Variants in XPO6 observed in about 807,000 individuals in gnomAD.
XPO6 encodes exportin-6.
Under a neutral mutation model 130.0 loss-of-function variants are expected in XPO6, and 3 were observed. The ratio of observed to expected loss-of-function variants is 0.02; its 90% CI spans 0.01 to 0.06. The LOEUF is 0.06. XPO6 is among the 10% of genes least tolerant of loss of function. The pLI is 1.00. For missense variants in XPO6, 970 were observed against 1,393.0 expected (o/e 0.70, Z 4.83); for synonymous variants, 524 against 548.9 (o/e 0.95, Z 0.63).
intron 6 of XPO6, among the ~76,000 whole-genome samples, chr16:28,165,902 G>A (rs1182245204): frequency 6.6e-6 from 1 of 152,180 alleles, no homozygotes; most frequent in Non-Finnish European, 1.5e-5. Flanking sequence ...GTCATCTTTA[G>A]AAGAACTACA....
chr16:28,169,886 G>T lies in XPO6; in HGVS notation c.429C>A (p.Thr143=). ...TCTTCAACATGATCAGCCCAAGGGG[G>T]GTTGTCACAGGGGACTGGATCAACT... ...ILQLIQSPVT[T]PLGLIMLKTT... The change falls in exon 5 of 24, where the codon ACC becomes ACA. Residue 143 remains threonine (T), a synonymous_variant. Transcript: ENST00000304658. The T allele has an allele frequency of 6.2e-7, 1 of 1,614,094 alleles. No homozygotes were observed. Among genetic ancestry groups the T allele is most frequent in the East Asian group, 2.2e-5 (1 of 44,872 alleles).
intron 23 of XPO6, among the ~76,000 whole-genome samples, chr16:28,100,178 A>G (rs899930233): frequency 6.6e-6 from 1 of 152,126 alleles, no homozygotes; most frequent in Non-Finnish European, 1.5e-5. Flanking sequence ...TAGTAGAGAC[A>G]GGGTTTCGCC....
At chr16:28,146,309 C>T (rs566968692) in intron 8 of XPO6, 106 bp from the exon 9 acceptor site, 1 of 909,146 alleles carries the variant, frequency 1.1e-6, no homozygotes, top group Admixed American at 2.4e-5. Context: ...AAATCATAAG[C>T]CTAGATTCCC....
Position 28,132,129 on chromosome 16 carries a change from ACT to A in XPO6, c.1606+203_1606+204del, listed in dbSNP as rs2042682932. The stretch of plus-strand genomic sequence containing the variant: ...TTTTCCAAACACCTCCTTGGAATAC[ACT>A]GTCATGACCTCATCTTTTACCTCCC... On this transcript the variant is annotated intron_variant, in intron 12 of 23. Transcript: ENST00000304658. This position sits in a 1 kb window ranked among gnomAD's most constrained non-coding sequence, Gnocchi z 4.0. Among the ~76,000 whole-genome samples, 1 of 152,212 alleles carries A rather than the reference ACT, an allele frequency of 6.6e-6. No homozygotes were observed. Among genetic ancestry groups the A allele is most frequent in the Non-Finnish European group, 1.5e-5 (1 of 68,028 alleles).
chr16:28,133,226 A>T (rs1239046914), intron 11 of XPO6, among the ~76,000 whole-genome samples: 1 of 152,022 alleles, frequency 6.6e-6, no homozygotes, highest in Non-Finnish European at 1.5e-5. Flanking sequence ...AGTCCCACTT[A>T]CTCGGGAGGC....
rs748348432 is a variant in XPO6 at position 28,156,129 on chromosome 16, T to C, written c.1042A>G (p.Thr348Ala). ...QQTFYLLQKI[T>A]KDNNAHTVKS... ...ACTGTGTGGGCATTGTTATCCTTGG[T>C]GATTTTCTGCAGGAGGTAGAAAGTC... Residue 348 changes from threonine (T) to alanine (A), a missense_variant, in exon 7 of 24, where the codon ACC becomes GCC. Physicochemically the swap from Thr to Ala is moderately conservative, Grantham distance 58 (BLOSUM62 0). Around this residue, in one of 4 missense-constraint regions of XPO6, gnomAD observed 936 missense variants for 1,306.8 expected, o/e 0.72. Transcript: ENST00000304658. The C allele has an allele frequency of 6.2e-7, 1 of 1,613,868 alleles. No individual in the cohort carries two copies. Among genetic ancestry groups the C allele is most frequent in the South Asian group, 1.1e-5 (1 of 91,062 alleles).
chr16:28,191,876 G>A (rs1291068244), intron 1 of XPO6, among the ~76,000 whole-genome samples: 1 of 152,200 alleles, frequency 6.6e-6, no homozygotes, highest in Non-Finnish European at 1.5e-5. Flanking sequence ...CATTTCAGCT[G>A]CTATTACCAC....
At chr16:28,152,616 TA>T in intron 8 of XPO6, 42 bp downstream of exon 8, 1 of 1,585,394 alleles carries the variant, frequency 6.3e-7, no homozygotes, top group Admixed American at 1.9e-5. Flanking sequence ...AACAAGGTAA[TA>T]AACCTTTTCT....
At chr16:28,184,061 G>T (rs1372095025) in intron 1 of XPO6, among the ~76,000 whole-genome samples, 3 of 152,178 alleles carry the variant, frequency 2.0e-5, no homozygotes, top group African/African-American at 7.2e-5. Flanking sequence ...AGTAGATTGG[G>T]TGAGTTAAGG....
intron 12 of XPO6, among the ~76,000 whole-genome samples, chr16:28,126,258 T>C (rs1381497538): frequency 1.3e-5 from 2 of 152,218 alleles, no homozygotes; most frequent in African/African-American, 4.8e-5. Flanking sequence ...ACGCTGAGTC[T>C]ATGTGACTCC....
chr16:28,130,177 C>G (rs962538373), intron 12 of XPO6, among the ~76,000 whole-genome samples: 3 of 152,198 alleles, frequency 2.0e-5, no homozygotes, highest in Non-Finnish European at 4.4e-5. Context: ...AAAGTGGGAG[C>G]CTTCCAGGCT....
Position 28,133,823 on chromosome 16 carries a change from C to T in XPO6, c.1536+18G>A. 1 of 1,613,476 alleles carries T rather than the reference C, an allele frequency of 6.2e-7. No individual in the cohort carries two copies. Among genetic ancestry groups the T allele is most frequent in the Non-Finnish European group, 8.5e-7 (1 of 1,179,578 alleles). ...AGAGAAATCGCTACACTCTCCACTC[C>T]CCCGGACAGCACATTACCAGTGTGG... is the stretch of plus-strand genomic sequence containing the variant. On this transcript the variant is annotated intron_variant, in intron 11 of 23. Transcript: ENST00000304658.
At chr16:28,123,166 G>C (rs1567604294) in intron 13 of XPO6, among the ~76,000 whole-genome samples, 1 of 152,076 alleles carries the variant, frequency 6.6e-6, no homozygotes, top group Non-Finnish European at 1.5e-5. Flanking sequence ...GGATTGTAGT[G>C]ATCTTGGCTC....
rs2044141608 is a variant in XPO6 at position 28,211,942 on chromosome 16, C to T, written c.-574G>A. On this transcript the variant is annotated 5_prime_UTR_variant, in exon 1 of 24. Transcript: ENST00000304658. ...CTAGTACCGCGCGGCCGCCCCCGAC[C>T]AACAGCCCCAACGCGCCGGAAGTGG... 2 of 152,434 alleles carry T rather than the reference C, an allele frequency of 1.3e-5. No individual in the cohort carries two copies. Among genetic ancestry groups the T allele is most frequent in the South Asian group, 4.1e-4 (2 of 4,838 alleles). The allele number at this position is 152,434 out of a possible 1,614,324, so 9.4% of individuals were successfully genotyped here.
chr16:28,137,332 C>T (rs1318915778), intron 9 of XPO6, among the ~76,000 whole-genome samples: 2 of 152,232 alleles, frequency 1.3e-5, no homozygotes, highest in Admixed American at 6.5e-5. Context: ...GAAGCCACTT[C>T]CTGTACTTAT....
Position 28,211,558 on chromosome 16 carries a change from G to A in XPO6, c.-190C>T. On this transcript the variant is annotated 5_prime_UTR_variant, in exon 1 of 24. Coordinates refer to ENST00000304658, the MANE Select transcript of XPO6 (RefSeq NM_015171.4). ...GGCCGCCCGGGTCGCCTCATCGGGG[G>A]ACCCCGAGACAATTCATCCAGACCC... 2 of 477,884 alleles carry A rather than the reference G, an allele frequency of 4.2e-6. No individual in the cohort carries two copies. Among genetic ancestry groups the A allele is most frequent in the Non-Finnish European group, 3.5e-6 (1 of 287,044 alleles). The allele number at this position is 477,884 out of a possible 1,614,324, so 29.6% of individuals were successfully genotyped here.
At chr16:28,126,985 G>T (rs1389947732) in intron 12 of XPO6, among the ~76,000 whole-genome samples, 1 of 151,990 alleles carries the variant, frequency 6.6e-6, no homozygotes, top group Non-Finnish European at 1.5e-5. Flanking sequence ...CCTCACACTG[G>T]TCACCACCAA....
At chr16:28,144,701 G>C (rs1390066769) in intron 9 of XPO6, among the ~76,000 whole-genome samples, 1 of 152,192 alleles carries the variant, frequency 6.6e-6, no homozygotes, top group African/African-American at 2.4e-5. Flanking sequence ...CATTTATGGG[G>C]AAAGAGTATT....
chr16:28,107,869 A>G (rs1460416103), intron 17 of XPO6, among the ~76,000 whole-genome samples, 192 bp from the exon 18 acceptor site: 3 of 152,126 alleles, frequency 2.0e-5, no homozygotes, highest in East Asian at 1.9e-4. Flanking sequence ...TTTTACTATT[A>G]TTACTGCCAG....
Sources: allele counts gnomAD v4.1 joint callset (sites outside exome capture counted in the v4.1 genomes callset), GRCh38; gene constraint gnomAD v4.1.1; regional missense constraint gnomAD v4.1.1; non-coding constraint Gnocchi (gnomAD v3.1); transcripts MANE v1.5; gene names NCBI Gene and HGNC (gene_info 2026-07-23, HGNC 2026-07-21).